Variants in NUDCD3 observed in about 807,000 individuals in gnomAD.
The protein encoded by NUDCD3 is nudC domain-containing protein 3.
In NUDCD3, 13 loss-of-function variants were observed where a neutral mutation model predicts 39.7. The observed-to-expected ratio is 0.33, with a 90% CI of 0.21 to 0.52. The LOEUF (loss-of-function observed/expected upper bound fraction) is 0.52, where lower values mean the gene tolerates loss of function less well. NUDCD3 is among the 20% of genes least tolerant of loss of function. The pLI is 0.96. For missense variants in NUDCD3, 453 were observed against 458.1 expected (o/e 0.99, Z 0.10); for synonymous variants, 175 against 172.4 (o/e 1.02, Z -0.12).
At chr7:44,450,649 A>T (rs1799778105) in intron 2 of NUDCD3, among the ~76,000 whole-genome samples, 2 of 152,118 alleles carry the variant, frequency 1.3e-5, no homozygotes, top group Admixed American at 1.3e-4. Flanking sequence ...TAATTAAAAA[A>T]AAAAATAAAA....
At chr7:44,440,394 G>T (rs1171493129) in intron 2 of NUDCD3, among the ~76,000 whole-genome samples, 4 of 149,134 alleles carry the variant, frequency 2.7e-5, no homozygotes, top group African/African-American at 9.9e-5. Flanking sequence ...AATTGCCACA[G>T]ACTGAAGGTG....
At chr7:44,460,693 A>C (rs1180319101) in intron 2 of NUDCD3, among the ~76,000 whole-genome samples, 1 of 152,216 alleles carries the variant, frequency 6.6e-6, no homozygotes, top group Non-Finnish European at 1.5e-5. Context: ...TCAAAAACGT[A>C]ATATGAAGAT....
At chr7:44,478,617 ATGCCCTG>A (rs1800429139) in intron 2 of NUDCD3, among the ~76,000 whole-genome samples, 1 of 152,220 alleles carries the variant, frequency 6.6e-6, no homozygotes, top group Non-Finnish European at 1.5e-5. Context: ...TTCATTTGAC[ATGCCCTG>A]GCAGCAACAG....
At chr7:44,460,343 T>C (rs988466792) in intron 2 of NUDCD3, among the ~76,000 whole-genome samples, 8 of 152,328 alleles carry the variant, frequency 5.3e-5, no homozygotes, top group Admixed American at 2.6e-4. Flanking sequence ...AACTATAAGC[T>C]ATCATCATAA....
At chr7:44,424,581 C>T (rs1305405238) in intron 3 of NUDCD3, among the ~76,000 whole-genome samples, 2 of 152,154 alleles carry the variant, frequency 1.3e-5, no homozygotes, top group Non-Finnish European at 2.9e-5. Context: ...ATAAAAACCA[C>T]AACGAGATAC....
At chr7:44,436,466 G>T (rs576805847) in intron 2 of NUDCD3, among the ~76,000 whole-genome samples, 1 of 152,260 alleles carries the variant, frequency 6.6e-6, no homozygotes, top group African/African-American at 2.4e-5. Context: ...CTAGGTCAAA[G>T]GATATATACA....
intron 5 of NUDCD3, among the ~76,000 whole-genome samples, chr7:44,389,056 TA>T (rs1798459026): frequency 6.6e-6 from 1 of 152,216 alleles, no homozygotes; most frequent in Non-Finnish European, 1.5e-5. Context: ...TGCAGTGCCC[TA>T]GGGGCCAAAA....
intron 2 of NUDCD3, among the ~76,000 whole-genome samples, chr7:44,428,426 A>T (rs1799282579): frequency 6.6e-6 from 1 of 151,988 alleles, no homozygotes; most frequent in African/African-American, 2.4e-5. Context: ...CTGGGCAACA[A>T]GAGCAAAACT....
chr7:44,469,266 CT>C (rs1373172932), intron 2 of NUDCD3, among the ~76,000 whole-genome samples: 1 of 151,950 alleles, frequency 6.6e-6, no homozygotes, highest in Admixed American at 6.6e-5. Flanking sequence ...TTTCTCAGCC[CT>C]TTTCTGCCTA....
rs773373200 is a variant in NUDCD3 at position 44,392,398 on chromosome 7, G to A, written c.874C>T (p.Arg292Cys). 5.1e-5 allele frequency: 83 copies of A among 1,614,094 alleles called. No individual in the cohort carries two copies. The highest frequency in any genetic ancestry group is 6.4e-5 in the Non-Finnish European group (76 of 1,179,986). ...PIDIDKINKE[R>C]SMATVDEEEQ... ...TCCTCATCCACGGTGGCCATGGAGC[G>A]CTCCTTGTTGATCTTGTCAATGTCG... is the stretch of plus-strand genomic sequence containing the variant. The change falls in exon 5 of 6, where the codon CGC becomes TGC. Residue 292 changes from arginine to cysteine, a missense_variant. Physicochemically the swap from Arg to Cys is radical, Grantham distance 180. Transcript: ENST00000355451.
At position 44,392,314 on chromosome 7, in the gene NUDCD3, G is replaced by C; in HGVS notation, c.958C>G (p.Pro320Ala). ...FDYHQKLQGK[P>A]QSHELKVHEM... ...GCTCGTACCAGCTCATGGCTCTGTG[G>C]CTTGCCCTGCAGCTTCTGGTGGTAG... is the stretch of plus-strand genomic sequence containing the variant. The change falls in exon 5 of 6, where the codon CCA becomes GCA. Residue 320 changes from proline to alanine, a missense_variant. Pro to Ala is a conservative substitution (Grantham distance 27). Coordinates refer to ENST00000355451, the MANE Select transcript of NUDCD3 (RefSeq NM_015332.4). 2 of 1,614,052 alleles carry C rather than the reference G, an allele frequency of 1.2e-6. No homozygotes were observed. The highest frequency in any genetic ancestry group is 1.7e-6 in the Non-Finnish European group (2 of 1,179,954).
rs1283834691 is a variant in NUDCD3 at position 44,379,147 on chromosome 7, GTACA to G, written c.*6860_*6863del. On this transcript the variant is annotated 3_prime_UTR_variant, in exon 6 of 6. Transcript: ENST00000355451. ...TGATTTATACGGTTTACAAATACAC[GTACA>G]GTGAAAAATGACACCATCAAGCCAG... 6.6e-6 allele frequency: 1 copy of G among 152,052 alleles called. No homozygotes were observed. The highest frequency in any genetic ancestry group is 2.4e-5 in the African/African-American group (1 of 41,340). 9.4% of individuals were successfully genotyped at this position (152,052 alleles called of 1,614,324 possible).
intron 3 of NUDCD3, among the ~76,000 whole-genome samples, chr7:44,419,008 T>C (rs538669475): frequency 5.9e-5 from 9 of 152,242 alleles, no homozygotes; most frequent in Admixed American, 2.0e-4. Context: ...CTGAGCTAGC[T>C]GCAGGAGTTT....
At chr7:44,421,118 G>A (rs1799128624) in intron 3 of NUDCD3, among the ~76,000 whole-genome samples, 3 of 152,126 alleles carry the variant, frequency 2.0e-5, no homozygotes, top group Admixed American at 2.0e-4. Flanking sequence ...TGGATCACGA[G>A]GTCAGGAGTT....
At chr7:44,478,162 C>T (rs536767906) in intron 2 of NUDCD3, among the ~76,000 whole-genome samples, 154 of 152,320 alleles carry the variant, frequency 1.0e-3, no homozygotes, top group Non-Finnish European at 2.0e-3. Context: ...GTAAAGCATC[C>T]TTACAGAATA....
intron 3 of NUDCD3, among the ~76,000 whole-genome samples, chr7:44,421,547 C>T (rs1296061320): frequency 1.4e-5 from 2 of 142,096 alleles, no homozygotes; most frequent in Non-Finnish European, 3.1e-5. Context: ...AGACTTTAAA[C>T]CAACAAAGAT....
At chr7:44,409,696 C>A (rs549773102) in intron 3 of NUDCD3, among the ~76,000 whole-genome samples, 1 of 152,082 alleles carries the variant, frequency 6.6e-6, no homozygotes, top group East Asian at 1.9e-4. Flanking sequence ...CTCTAAATCA[C>A]CTATTTTAAA....
chr7:44,383,010 C>T lies in NUDCD3; in HGVS notation c.*3001G>A, dbSNP rs1418243907. ...GATTGCCTTTGAAACAGTCTTTATT[C>T]AGCCAAGTACTTCTCACACCCCTAG... On this transcript the variant is annotated 3_prime_UTR_variant, in exon 6 of 6. Transcript: ENST00000355451. 1 of 152,268 alleles carries T rather than the reference C, an allele frequency of 6.6e-6. No individual in the cohort carries two copies. Among genetic ancestry groups the T allele is most frequent in the Non-Finnish European group, 1.5e-5 (1 of 68,060 alleles). 9.4% of individuals were successfully genotyped at this position (152,268 alleles called of 1,614,324 possible). A position where few individuals can be genotyped will look rare whatever the true frequency, so the allele number is the denominator to read the frequency against.
intron 2 of NUDCD3, among the ~76,000 whole-genome samples, chr7:44,430,707 A>G (rs1368792040): frequency 6.6e-6 from 1 of 152,136 alleles, no homozygotes; most frequent in Non-Finnish European, 1.5e-5. Flanking sequence ...AAGGAGAATG[A>G]GTATAATGCC....
Sources: gnomAD v4.1 joint callset for allele counts (sites outside exome capture counted in the v4.1 genomes callset) on GRCh38, gnomAD v4.1.1 for gene constraint, MANE v1.5 for transcripts, NCBI Gene and HGNC (gene_info 2026-07-23, HGNC 2026-07-21) for gene names.